ATG5: variants seen among roughly 807,000 people sequenced by gnomAD.
ATG5 encodes the protein autophagy protein 5.
ATG5 carries 14 observed loss-of-function variants against 36.5 expected under a neutral mutation model. That is an observed-to-expected ratio of 0.38 (90% CI 0.25 to 0.60). The LOEUF is 0.60. Among genes scored for constraint, ATG5 ranks in the 20% least tolerant of loss-of-function variants. ATG5 has a pLI of 0.60. For synonymous variants in ATG5, 95 were observed against 101.5 expected (o/e 0.94, Z 0.38); for missense variants, 195 against 326.7 (o/e 0.60, Z 3.11).
intron 5 of ATG5, among the ~76,000 whole-genome samples, chr6:106,275,055 T>A (rs1006125800): frequency 6.6e-6 from 1 of 152,182 alleles, no homozygotes; most frequent in African/African-American, 2.4e-5. Context: ...TAGCATAATG[T>A]CAGATATACA....
intron 3 of ATG5, among the ~76,000 whole-genome samples, chr6:106,294,434 A>G (rs991868084): frequency 1.3e-5 from 2 of 151,482 alleles, no homozygotes; most frequent in Non-Finnish European, 2.9e-5. Flanking sequence ...ATGTTTATAT[A>G]TATAATTGTA....
At chr6:106,306,389 C>A (rs1016779314) in intron 3 of ATG5, among the ~76,000 whole-genome samples, 1 of 152,166 alleles carries the variant, frequency 6.6e-6, no homozygotes, top group Non-Finnish European at 1.5e-5. Context: ...TTGAGGTTTC[C>A]CAAATTTTCC....
chr6:106,195,586 C>T (rs1776144009), intron 7 of ATG5, among the ~76,000 whole-genome samples: 1 of 152,046 alleles, frequency 6.6e-6, no homozygotes, highest in Non-Finnish European at 1.5e-5. Flanking sequence ...AGAGATGTGG[C>T]TTCCTCCTGG....
chr6:106,206,836 C>T (rs998849832), intron 6 of ATG5, among the ~76,000 whole-genome samples: 1 of 151,962 alleles, frequency 6.6e-6, no homozygotes, highest in East Asian at 1.9e-4. Context: ...TCTCATTAGC[C>T]CGATGTTAGA....
intron 6 of ATG5, among the ~76,000 whole-genome samples, chr6:106,240,956 C>T (rs756672075): frequency 6.6e-6 from 1 of 152,158 alleles, no homozygotes; most frequent in Non-Finnish European, 1.5e-5. Flanking sequence ...AGTTCGAGAC[C>T]AGCCTGGCCA....
intron 3 of ATG5, among the ~76,000 whole-genome samples, chr6:106,294,809 C>T (rs1172130698): frequency 6.8e-6 from 1 of 147,972 alleles, no homozygotes; most frequent in African/African-American, 2.5e-5. Flanking sequence ...TGCCACTGCA[C>T]TCCAGCCTGG....
At chr6:106,200,152 T>C (rs1032236754) in intron 7 of ATG5, among the ~76,000 whole-genome samples, 25 of 152,174 alleles carry the variant, frequency 1.6e-4, no homozygotes, top group African/African-American at 5.3e-4. Context: ...ATTGCAATAT[T>C]CTCAGGCTGA....
chr6:106,252,162 G>A (rs187021905), intron 5 of ATG5, among the ~76,000 whole-genome samples: 137 of 152,242 alleles, frequency 9.0e-4, no homozygotes, highest in African/African-American at 3.1e-3. Context: ...GACTAAGTAG[G>A]AGAAAATTAA....
chr6:106,324,451 G>A (rs1771216953), intron 1 of ATG5, among the ~76,000 whole-genome samples: 1 of 152,178 alleles, frequency 6.6e-6, no homozygotes, highest in South Asian at 2.1e-4. Context: ...CCGAGGGACA[G>A]GAAAGACTGT....
chr6:106,284,962 G>A (rs931030164), intron 4 of ATG5, among the ~76,000 whole-genome samples: 2 of 152,070 alleles, frequency 1.3e-5, no homozygotes, highest in African/African-American at 4.8e-5. Context: ...ACACAGTCTT[G>A]ATTATTATAG....
At chr6:106,238,823 AG>A (rs1409124964) in intron 6 of ATG5, among the ~76,000 whole-genome samples, 1 of 152,208 alleles carries the variant, frequency 6.6e-6, no homozygotes, top group Admixed American at 6.5e-5. Flanking sequence ...TAAAATGGGT[AG>A]TATTTTTTAA....
chr6:106,229,779 T>C (rs1431041477), intron 6 of ATG5, among the ~76,000 whole-genome samples: 3 of 152,212 alleles, frequency 2.0e-5, no homozygotes, highest in African/African-American at 7.2e-5. Context: ...CCCAAATGCA[T>C]TCAATCTGTA....
intron 7 of ATG5, among the ~76,000 whole-genome samples, chr6:106,195,720 A>G (rs1776149381): frequency 6.6e-6 from 1 of 151,316 alleles, no homozygotes; most frequent in Admixed American, 6.6e-5. Flanking sequence ...TCTGTCACAC[A>G]GATGTACTCA....
chr6:106,206,942 C>T (rs1473896014), intron 6 of ATG5, among the ~76,000 whole-genome samples: 1 of 152,158 alleles, frequency 6.6e-6, no homozygotes, highest in East Asian at 1.9e-4. Flanking sequence ...TAAAATTAGA[C>T]AAGACTAACA....
intron 6 of ATG5, among the ~76,000 whole-genome samples, chr6:106,242,059 G>T (rs1215562117): frequency 6.6e-6 from 1 of 151,832 alleles, no homozygotes; most frequent in East Asian, 1.9e-4. Context: ...GAAGCAAAAT[G>T]TGGTATGTAT....
intron 6 of ATG5, among the ~76,000 whole-genome samples, chr6:106,222,575 C>G (rs1406112056): frequency 1.3e-5 from 2 of 151,980 alleles, no homozygotes; most frequent in South Asian, 2.1e-4. Flanking sequence ...TAATAAGAAG[C>G]CTGATGTGTG....
intron 6 of ATG5, among the ~76,000 whole-genome samples, chr6:106,243,998 T>C (rs1239218050): frequency 6.8e-6 from 1 of 146,572 alleles, no homozygotes; most frequent in Non-Finnish European, 1.5e-5. Context: ...CACTGCAACC[T>C]TGACCTCTCA....
chr6:106,195,622 T>G (rs1776145023), intron 7 of ATG5, among the ~76,000 whole-genome samples: 1 of 152,148 alleles, frequency 6.6e-6, no homozygotes, highest in African/African-American at 2.4e-5. Flanking sequence ...CAAAAATACC[T>G]GAAAAGAATA....
chr6:106,279,658 T>C lies in ATG5; in HGVS notation c.478+3A>G. On this transcript the variant is annotated splice_donor_region_variant and intron_variant, in intron 5 of 7. Coordinates refer to ENST00000369076, the MANE Select transcript of ATG5 (RefSeq NM_004849.4). ...TTCTAAAATTAAACACTATTATACT[T>C]ACCATTTTGCAATCCCATCCAGAGT... is the stretch of plus-strand genomic sequence containing the variant. 1.9e-6 allele frequency: 3 copies of C among 1,585,358 alleles called. No individual in the cohort carries two copies. Among genetic ancestry groups the C allele is most frequent in the South Asian group, 1.2e-5 (1 of 85,656 alleles).
Sources: gnomAD v4.1 joint callset for allele counts (sites outside exome capture counted in the v4.1 genomes callset) on GRCh38, gnomAD v4.1.1 for gene constraint, MANE v1.5 for transcripts, NCBI Gene and HGNC (gene_info 2026-07-23, HGNC 2026-07-21) for gene names.